Variants in SPATA17 observed in about 807,000 individuals in gnomAD.
SPATA17 encodes the protein spermatogenesis-associated protein 17.
SPATA17 carries 53 observed loss-of-function variants against 62.2 expected under a neutral mutation model. The observed-to-expected ratio is 0.85, with a 90% CI of 0.68 to 1.07. SPATA17 has a LOEUF of 1.07. Among genes scored for constraint, SPATA17 ranks in the 50% least tolerant of loss-of-function variants. The pLI is 0.00. For missense variants in SPATA17, 466 were observed against 425.5 expected, an observed-to-expected ratio of 1.10 and a Z score of -0.84; for synonymous variants, 146 against 146.8, an observed-to-expected ratio of 0.99 and a Z score of 0.04.
At chr1:217,748,853 C>A (rs1672830986) in intron 6 of SPATA17, among the ~76,000 whole-genome samples, 1 of 151,856 alleles carries the variant, frequency 6.6e-6, no homozygotes, top group South Asian at 2.1e-4. Context: ...GTGCTCAATA[C>A]GTGATTATTC....
intron 1 of SPATA17, among the ~76,000 whole-genome samples, chr1:217,631,867 T>A (rs1176349228): frequency 1.3e-5 from 2 of 152,182 alleles, no homozygotes; most frequent in Non-Finnish European, 2.9e-5. Flanking sequence ...TCAATTGTTC[T>A]ATGACTCATT....
At chr1:217,809,857 A>G (rs1247493789) in intron 9 of SPATA17, among the ~76,000 whole-genome samples, 6 of 151,946 alleles carry the variant, frequency 3.9e-5, no homozygotes, top group African/African-American at 4.8e-5. Context: ...CTGATATGCA[A>G]CCATTCAGAA....
intron 2 of SPATA17, 97 bp downstream of exon 2, chr1:217,649,068 T>C: frequency 1.3e-6 from 1 of 757,998 alleles, no homozygotes; most frequent in South Asian, 2.3e-5. Context: ...CAAATAATTT[T>C]TTATTTTACT....
At chr1:217,835,569 A>G (rs1558070534) in intron 9 of SPATA17, among the ~76,000 whole-genome samples, 1 of 152,142 alleles carries the variant, frequency 6.6e-6, no homozygotes. Flanking sequence ...TTGAATAACC[A>G]TAGTGCATTG....
At chr1:217,699,165 C>T (rs1413198381) in intron 5 of SPATA17, among the ~76,000 whole-genome samples, 1 of 152,148 alleles carries the variant, frequency 6.6e-6, no homozygotes, top group Non-Finnish European at 1.5e-5. Context: ...CTACTACAAA[C>T]ATTTGTGTAC....
chr1:217,683,584 G>A (rs1196408665), intron 5 of SPATA17, among the ~76,000 whole-genome samples: 3 of 152,102 alleles, frequency 2.0e-5, no homozygotes, highest in Admixed American at 6.5e-5. Flanking sequence ...GATAACAGGC[G>A]CCCGCCACCA....
At chr1:217,845,825 T>A (rs186895369) in intron 9 of SPATA17, among the ~76,000 whole-genome samples, 584 of 152,230 alleles carry the variant, frequency 3.8e-3, no homozygotes, top group Middle Eastern at 6.8e-3. Flanking sequence ...GATAATTATT[T>A]GATCACTTTT....
Position 217,655,107 on chromosome 1 carries a change from C to T in SPATA17, c.240+3929C>T, listed in dbSNP as rs893629236. ...ACTATTCATATTTTACTGATTGTAC[C>T]AGTAATGTCATTTATAGCAAAAAAT... On this transcript the variant is annotated intron_variant, in intron 3 of 10. Coordinates refer to ENST00000366933, the MANE Select transcript of SPATA17 (RefSeq NM_138796.4). 3.3e-5 allele frequency among the ~76,000 whole-genome samples: 5 copies of T among 152,200 alleles called. No homozygotes were observed. In the East Asian group the frequency reaches 9.7e-4, roughly 29 times the overall value.
At chr1:217,671,339 TC>T (rs1670827636) in intron 4 of SPATA17, among the ~76,000 whole-genome samples, 1 of 152,204 alleles carries the variant, frequency 6.6e-6, no homozygotes, top group Non-Finnish European at 1.5e-5. Flanking sequence ...GATCTACTAT[TC>T]AGTCATGCCA....
chr1:217,638,973 G>T lies in SPATA17; in HGVS notation c.68+7527G>T, dbSNP rs141127347. Among the ~76,000 whole-genome samples, 600 of 152,120 alleles carry T rather than the reference G, an allele frequency of 3.9e-3. 5 individuals carry two copies. Among genetic ancestry groups the T allele is most frequent in the African/African-American group, 0.014 (563 of 41,524 alleles). The stretch of plus-strand genomic sequence containing the variant: ...AATAATATGGAGGACATACCCAGAG[G>T]ACTTGTTATGTGAATAATAGTTACT... On this transcript the variant is annotated intron_variant, in intron 1 of 10. Coordinates refer to ENST00000366933, the MANE Select transcript of SPATA17 (RefSeq NM_138796.4).
At chr1:217,814,816 C>A (rs1674673512) in intron 9 of SPATA17, among the ~76,000 whole-genome samples, 1 of 151,960 alleles carries the variant, frequency 6.6e-6, no homozygotes, top group Non-Finnish European at 1.5e-5. Flanking sequence ...CCATTGCACT[C>A]CAGCCTGGGT....
chr1:217,818,330 C>A (rs969351486), intron 9 of SPATA17, among the ~76,000 whole-genome samples: 1 of 152,062 alleles, frequency 6.6e-6, no homozygotes, highest in Non-Finnish European at 1.5e-5. Flanking sequence ...AGTCAATCAT[C>A]ACTTTAATGG....
intron 5 of SPATA17, among the ~76,000 whole-genome samples, chr1:217,685,752 C>T (rs1470775677): frequency 2.0e-5 from 3 of 152,088 alleles, no homozygotes; most frequent in Admixed American, 1.3e-4. Context: ...AGGATACTTA[C>T]GTCCTCTTCT....
chr1:217,772,458 T>C (rs533875510), intron 6 of SPATA17, among the ~76,000 whole-genome samples: 3 of 152,220 alleles, frequency 2.0e-5, no homozygotes, highest in African/African-American at 7.2e-5. Context: ...AATTAAAAAA[T>C]AGAAAAATTT....
intron 6 of SPATA17, among the ~76,000 whole-genome samples, chr1:217,745,331 G>A (rs937562948): frequency 4.6e-5 from 7 of 152,084 alleles, no homozygotes; most frequent in Non-Finnish European, 1.0e-4. Context: ...TTGTTCCCAA[G>A]GCAAACTTTT....
intron 9 of SPATA17, among the ~76,000 whole-genome samples, chr1:217,855,745 T>TTTTC (rs1675769090): frequency 6.6e-6 from 1 of 150,412 alleles, no homozygotes; most frequent in Admixed American, 6.7e-5. Context: ...TTTTTTTTTT[T>TTTTC]GAGATGGAGT....
chr1:217,824,692 A>T (rs142861954), intron 9 of SPATA17, among the ~76,000 whole-genome samples: 1 of 150,840 alleles, frequency 6.6e-6, no homozygotes, highest in South Asian at 2.1e-4. Context: ...ATATGTATAT[A>T]TATTTTATAA....
At chr1:217,756,308 A>G (rs1558037568) in intron 6 of SPATA17, among the ~76,000 whole-genome samples, 2 of 137,830 alleles carry the variant, frequency 1.5e-5, no homozygotes, top group Admixed American at 7.2e-5. Flanking sequence ...TATTTGCCCA[A>G]ATATATTTTT....
intron 9 of SPATA17, among the ~76,000 whole-genome samples, chr1:217,851,744 G>A (rs924170531): frequency 2.0e-5 from 3 of 152,120 alleles, no homozygotes; most frequent in Non-Finnish European, 2.9e-5. Context: ...AGAAAACACT[G>A]TCTGATGAAA....
Sources: gnomAD v4.1 joint callset for allele counts (sites outside exome capture counted in the v4.1 genomes callset) on GRCh38, gnomAD v4.1.1 for gene constraint, MANE v1.5 for transcripts, NCBI Gene and HGNC (gene_info 2026-07-23, HGNC 2026-07-21) for gene names.